MDFIC: variants seen among roughly 807,000 people sequenced by gnomAD.
MDFIC encodes the protein myoD family inhibitor domain-containing protein.
Under a neutral mutation model 23.2 loss-of-function variants are expected in MDFIC, and 17 were observed. The ratio of observed to expected loss-of-function variants is 0.73; its 90% CI spans 0.50 to 1.10. MDFIC has a LOEUF of 1.10. MDFIC is among the 50% of genes least tolerant of loss of function. The pLI, the probability that MDFIC is intolerant of heterozygous loss-of-function variation, is 0.00. For synonymous variants in MDFIC, 120 were observed against 115.2 expected (o/e 1.04, Z -0.27); for missense variants, 356 against 316.6 (o/e 1.12, Z -0.95).
chr7:114,936,407 T>C (rs1262554219), intron 2 of MDFIC, among the ~76,000 whole-genome samples: 1 of 152,186 alleles, frequency 6.6e-6, no homozygotes, highest in Non-Finnish European at 1.5e-5. Context: ...GTTATGGAGA[T>C]AATATTATTG....
intron 2 of MDFIC, among the ~76,000 whole-genome samples, chr7:114,938,421 T>A (rs544451564): frequency 3.6e-4 from 55 of 152,346 alleles, no homozygotes; most frequent in South Asian, 1.4e-3. Context: ...AAGTTTTTTT[T>A]AAATATAAAT....
At chr7:114,933,187 T>C (rs897716704) in intron 2 of MDFIC, among the ~76,000 whole-genome samples, 1 of 151,990 alleles carries the variant, frequency 6.6e-6, no homozygotes, top group African/African-American at 2.4e-5. Flanking sequence ...CAAGTTATCA[T>C]GCTGAAAGAC....
chr7:114,961,868 G>A (rs1252751205), intron 3 of MDFIC, among the ~76,000 whole-genome samples: 1 of 151,994 alleles, frequency 6.6e-6, no homozygotes, highest in Non-Finnish European at 1.5e-5. Flanking sequence ...ATGAGATTTG[G>A]GCAGGGACAC....
chr7:115,008,832 A>G (rs957038472), intron 4 of MDFIC, among the ~76,000 whole-genome samples: 47 of 152,116 alleles, frequency 3.1e-4, no homozygotes, highest in African/African-American at 1.1e-3. Context: ...TGATTTTCCT[A>G]TTGGGAAAGA....
intron 4 of MDFIC, among the ~76,000 whole-genome samples, chr7:114,993,644 T>C (rs978349342): frequency 6.6e-6 from 1 of 152,176 alleles, no homozygotes; most frequent in African/African-American, 2.4e-5. Flanking sequence ...TCAGTTTCCA[T>C]GTAGTTGAGT....
chr7:114,931,855 T>C (rs1792314169), intron 2 of MDFIC, among the ~76,000 whole-genome samples: 1 of 152,170 alleles, frequency 6.6e-6, no homozygotes. Flanking sequence ...AGGTATCTTG[T>C]GGTCGAGCAG....
At chr7:114,943,729 TC>T (rs1042592999) in intron 3 of MDFIC, among the ~76,000 whole-genome samples, 2 of 152,216 alleles carry the variant, frequency 1.3e-5, no homozygotes, top group African/African-American at 4.8e-5. Flanking sequence ...ATCTCTGACT[TC>T]CTAGCAACCA....
chr7:114,925,565 C>T (rs773223454), intron 2 of MDFIC, among the ~76,000 whole-genome samples: 10 of 152,118 alleles, frequency 6.6e-5, no homozygotes, highest in Middle Eastern at 3.2e-3. Context: ...AAAATAGTTA[C>T]AGAGCAGGGA....
Position 114,922,172 on chromosome 7 carries a change from T to A in MDFIC, c.-572T>A. On this transcript the variant is annotated 5_prime_UTR_variant, in exon 1 of 5. Coordinates refer to ENST00000393486, the MANE Select transcript of MDFIC (RefSeq NM_001166345.3). Reference sequence around the variant, plus strand: ...GAGCCAGCCCAGGCCGGCTCTGGCCTCCTGACCCAGACAGCGCAGGGCGCG... The same window carrying A: ...GAGCCAGCCCAGGCCGGCTCTGGCCACCTGACCCAGACAGCGCAGGGCGCG... The A allele has an allele frequency of 2.6e-6, 1 of 380,052 alleles. No individual in the cohort carries two copies. Among genetic ancestry groups the A allele is most frequent in the Non-Finnish European group, 4.6e-6 (1 of 217,224 alleles). 23.5% of individuals were successfully genotyped at this position (380,052 alleles called of 1,614,324 possible).
chr7:114,925,607 GA>G, intron 2 of MDFIC, among the ~76,000 whole-genome samples: 1 of 152,152 alleles, frequency 6.6e-6, no homozygotes, highest in East Asian at 1.9e-4. Flanking sequence ...CTGTAAGAGG[GA>G]ACCAGGATAG....
chr7:114,954,360 A>G (rs1166346200), intron 3 of MDFIC, among the ~76,000 whole-genome samples: 3 of 152,330 alleles, frequency 2.0e-5, no homozygotes, highest in African/African-American at 4.8e-5. Flanking sequence ...ATGATCTTTC[A>G]TGATCTCCCT....
intron 4 of MDFIC, among the ~76,000 whole-genome samples, chr7:114,984,355 C>T (rs1157588828): frequency 6.6e-6 from 1 of 151,776 alleles, no homozygotes; most frequent in African/African-American, 2.4e-5. Flanking sequence ...CAGTGGTGCC[C>T]AACATAAAAA....
chr7:114,954,302 G>A (rs750559074), intron 3 of MDFIC, among the ~76,000 whole-genome samples: 1 of 152,002 alleles, frequency 6.6e-6, no homozygotes, highest in Non-Finnish European at 1.5e-5. Context: ...TATCTTATCC[G>A]CTTCTTGTCT....
chr7:114,948,587 C>T (rs1792696729), intron 3 of MDFIC, among the ~76,000 whole-genome samples: 1 of 152,076 alleles, frequency 6.6e-6, no homozygotes, highest in South Asian at 2.1e-4. Context: ...CTCTCCCTCC[C>T]ATTCTTTTGT....
rs1791840935 is a variant in MDFIC at position 115,018,520 on chromosome 7, TA to T, written c.*2589del. 1 of 152,444 alleles carries T rather than the reference TA, an allele frequency of 6.6e-6. No homozygotes were observed. Among genetic ancestry groups the T allele is most frequent in the African/African-American group, 2.4e-5 (1 of 41,440 alleles). 9.4% of individuals were successfully genotyped at this position (152,444 alleles called of 1,614,324 possible). On this transcript the variant is annotated 3_prime_UTR_variant, in exon 5 of 5. Transcript: ENST00000393486. ...TTATTCCATAAAGCATTTGTATAAT[TA>T]AAAGGAAAACAGAAAAAGGAAAAGT... is the stretch of plus-strand genomic sequence containing the variant.
At chr7:114,986,032 GTTTTTTT>G (rs11314179) in intron 4 of MDFIC, among the ~76,000 whole-genome samples, 7 of 138,400 alleles carry the variant, frequency 5.1e-5, no homozygotes, top group Non-Finnish European at 1.1e-4. Context: ...TACCTTTGCA[GTTTTTTT>G]TTTTTTTTGT....
chr7:115,013,378 A>G (rs1206551927), intron 4 of MDFIC, among the ~76,000 whole-genome samples: 1 of 152,212 alleles, frequency 6.6e-6, no homozygotes, highest in African/African-American at 2.4e-5. Context: ...AAATGGATAG[A>G]TCCATTATAT....
chr7:114,937,958 A>T (rs1451120044), intron 2 of MDFIC, among the ~76,000 whole-genome samples: 3 of 152,094 alleles, frequency 2.0e-5, no homozygotes, highest in Non-Finnish European at 4.4e-5. Context: ...TTCAGATTTC[A>T]TATATATGTA....
intron 3 of MDFIC, among the ~76,000 whole-genome samples, chr7:114,956,370 T>TATAC (rs1554472718): frequency 1.3e-5 from 2 of 151,312 alleles, no homozygotes; most frequent in South Asian, 2.1e-4. Context: ...TATATATATA[T>TATAC]ACACACACAC....
Sources: gnomAD v4.1 joint callset for allele counts (sites outside exome capture counted in the v4.1 genomes callset) on GRCh38, gnomAD v4.1.1 for gene constraint, MANE v1.5 for transcripts, NCBI Gene and HGNC (gene_info 2026-07-23, HGNC 2026-07-21) for gene names.